The following CA10 variants were observed in gnomAD, a reference collection of about 807,000 sequenced individuals.
CA10 encodes the protein carbonic anhydrase-related protein 10.
CA10 carries 14 observed loss-of-function variants against 44.2 expected under a neutral mutation model. That is an observed-to-expected ratio of 0.32 (90% CI 0.21 to 0.50). The LOEUF is 0.50. Among genes scored for constraint, CA10 ranks in the 20% least tolerant of loss-of-function variants. CA10 has a pLI of 0.99. For synonymous variants in CA10, 159 were observed against 141.6 expected, an observed-to-expected ratio of 1.12 and a Z score of -0.87; for missense variants, 350 against 409.7, an observed-to-expected ratio of 0.85 and a Z score of 1.26.
Position 52,047,465 on chromosome 17 carries a change from T to C in CA10, c.136+24854A>G, listed in dbSNP as rs182877667. 5.5e-3 allele frequency among the ~76,000 whole-genome samples: 842 copies of C among 151,806 alleles called. 3 individuals carry two copies. The highest frequency in any genetic ancestry group is 8.9e-3 in the Non-Finnish European group (605 of 67,978). On this transcript the variant is annotated intron_variant, in intron 2 of 8. Transcript: ENST00000451037. Reference sequence around the variant, plus strand: ...AAATAATATCTCAACAGAATAGATATTTAAAAGACTATAAGGTTTTCACAA... The same window carrying C: ...AAATAATATCTCAACAGAATAGATACTTAAAAGACTATAAGGTTTTCACAA...
intron 3 of CA10, among the ~76,000 whole-genome samples, chr17:51,760,879 T>C (rs1434408020): frequency 1.3e-5 from 2 of 152,256 alleles, no homozygotes; most frequent in Non-Finnish European, 2.9e-5. Flanking sequence ...AAATATTATT[T>C]CAACATGTAA....
intron 3 of CA10, among the ~76,000 whole-genome samples, chr17:51,898,821 T>C (rs1222474466): frequency 6.6e-6 from 1 of 152,112 alleles, no homozygotes; most frequent in Non-Finnish European, 1.5e-5. Context: ...TTCTAGGTTT[T>C]ATAGTATGTG....
rs1159506801 is a variant in CA10 at position 51,869,444 on chromosome 17, C to T, written c.279+61546G>A. Among the ~76,000 whole-genome samples the T allele has an allele frequency of 2.0e-5, 3 of 152,150 alleles. No homozygotes were observed. In the East Asian group the frequency reaches 5.8e-4, roughly 29 times the overall value. On this transcript the variant is annotated intron_variant, in intron 3 of 8. Coordinates refer to ENST00000451037, the MANE Select transcript of CA10 (RefSeq NM_020178.5). ...CTGACGTGAAAGTTTACTCCTGAGG[C>T]CTCCCAGGTCTGTTTAATATGGGAT... is the stretch of plus-strand genomic sequence containing the variant.
At chr17:51,786,208 GTGTGTC>G (rs1346094538) in intron 3 of CA10, among the ~76,000 whole-genome samples, 1 of 108,994 alleles carries the variant, frequency 9.2e-6, no homozygotes, top group Non-Finnish European at 2.0e-5. Flanking sequence ...TAACATCTTT[GTGTGTC>G]TGTGTGTGTG....
At chr17:51,900,709 G>A (rs530195137) in intron 3 of CA10, among the ~76,000 whole-genome samples, 11 of 152,174 alleles carry the variant, frequency 7.2e-5, no homozygotes, top group African/African-American at 2.6e-4. Flanking sequence ...TCCCTTGGTG[G>A]TTTTGTTCAT....
rs778493184 is a variant in CA10, at chr17:51,635,898, C to T, written c.746G>A (p.Ser249Asn). The T allele has an allele frequency of 6.2e-7, 1 of 1,609,174 alleles. No individual in the cohort carries two copies. The highest frequency in any genetic ancestry group is 8.5e-7 in the Non-Finnish European group (1 of 1,176,866). The change falls in exon 7 of 9, where the codon AGT becomes AAT. Residue 249 changes from serine to asparagine, a missense_variant. Physicochemically the swap from Ser to Asn is conservative, Grantham distance 46. Coordinates refer to ENST00000451037, the MANE Select transcript of CA10 (RefSeq NM_020178.5). ...GACAGGTTTGTTCATTATGATCCAA[C>T]TTGCTGTCTCATAGCAGGGTGGGAT... ...MTIPPCYETA[S>N]WIIMNKPVYI...
At chr17:51,996,086 G>A (rs888831552) in intron 2 of CA10, among the ~76,000 whole-genome samples, 5 of 151,980 alleles carry the variant, frequency 3.3e-5, no homozygotes, top group Non-Finnish European at 5.9e-5. Context: ...CCTGTACTGT[G>A]GGTTCAGTAA....
chr17:51,923,955 T>C (rs1042373058), intron 3 of CA10, among the ~76,000 whole-genome samples: 8 of 152,172 alleles, frequency 5.3e-5, no homozygotes, highest in Admixed American at 2.6e-4. Context: ...AATGAAAATA[T>C]GAAAGCATGT....
At chr17:51,781,511 C>A (rs1906058135) in intron 3 of CA10, among the ~76,000 whole-genome samples, 2 of 152,164 alleles carry the variant, frequency 1.3e-5, no homozygotes, top group African/African-American at 4.8e-5. Context: ...GGCTCTAGAT[C>A]AAATGGCCTC....
intron 1 of CA10, among the ~76,000 whole-genome samples, chr17:52,100,704 C>G (rs1988517833): frequency 6.6e-6 from 1 of 152,130 alleles, no homozygotes; most frequent in African/African-American, 2.4e-5. Flanking sequence ...CATATCTGGT[C>G]TCTCATGCTG....
At chr17:52,082,199 T>C (rs961366568) in intron 1 of CA10, among the ~76,000 whole-genome samples, 4 of 152,182 alleles carry the variant, frequency 2.6e-5, no homozygotes, top group African/African-American at 9.7e-5. Context: ...CCTCCATTTA[T>C]AAATGTTATT....
At chr17:52,079,782 G>T (rs964692007) in intron 1 of CA10, among the ~76,000 whole-genome samples, 3 of 152,160 alleles carry the variant, frequency 2.0e-5, no homozygotes, top group Non-Finnish European at 4.4e-5. Context: ...CTTTTATTTA[G>T]CACAATGTGT....
intron 3 of CA10, among the ~76,000 whole-genome samples, chr17:51,893,505 G>A (rs927947587): frequency 2.6e-5 from 4 of 152,170 alleles, no homozygotes; most frequent in Non-Finnish European, 5.9e-5. Context: ...ACCAAAGAGA[G>A]TCTGGTTTCT....
At chr17:52,041,594 A>G (rs1986770184) in intron 2 of CA10, among the ~76,000 whole-genome samples, 1 of 152,124 alleles carries the variant, frequency 6.6e-6, no homozygotes, top group South Asian at 2.1e-4. Flanking sequence ...TGTGGTGATA[A>G]CACAAGATCT....
chr17:51,905,269 G>A (rs960444753), intron 3 of CA10, among the ~76,000 whole-genome samples: 8 of 152,114 alleles, frequency 5.3e-5, no homozygotes, highest in Non-Finnish European at 8.8e-5. Flanking sequence ...GAGTCTTTGC[G>A]CAAAAGGTTT....
intron 2 of CA10, among the ~76,000 whole-genome samples, chr17:52,010,484 G>A (rs1985752169): frequency 6.6e-6 from 1 of 151,922 alleles, no homozygotes; most frequent in African/African-American, 2.4e-5. Context: ...CAACCTGGAT[G>A]GAAGTGGAGA....
intron 2 of CA10, among the ~76,000 whole-genome samples, chr17:51,969,521 G>A (rs1984202950): frequency 6.6e-6 from 1 of 151,870 alleles, no homozygotes; most frequent in East Asian, 1.9e-4. Context: ...CTTATTTCTA[G>A]CAAACCGACT....
chr17:51,685,339 T>C (rs1226335356), intron 4 of CA10, among the ~76,000 whole-genome samples: 4 of 152,144 alleles, frequency 2.6e-5, no homozygotes, highest in African/African-American at 4.8e-5. Flanking sequence ...TCCCATAGGC[T>C]GGGAGTGGGA....
chr17:51,765,106 T>C (rs954602554), intron 3 of CA10, among the ~76,000 whole-genome samples: 1 of 151,998 alleles, frequency 6.6e-6, no homozygotes, highest in African/African-American at 2.4e-5. Context: ...TGTTCACCCA[T>C]CAAATGGTAT....
Sources: gnomAD v4.1 joint callset for allele counts (sites outside exome capture counted in the v4.1 genomes callset) on GRCh38, gnomAD v4.1.1 for gene constraint, MANE v1.5 for transcripts, NCBI Gene and HGNC (gene_info 2026-07-23, HGNC 2026-07-21) for gene names.